Variants in PPARD observed in about 807,000 individuals in gnomAD.
The protein encoded by PPARD is peroxisome proliferator-activated receptor delta.
Under a neutral mutation model 39.5 loss-of-function variants are expected in PPARD, and 6 were observed. That is an observed-to-expected ratio of 0.15 (90% confidence interval 0.08 to 0.30). The LOEUF (loss-of-function observed/expected upper bound fraction) is 0.30. Ranked by LOEUF, PPARD falls within the 10% of genes least tolerant of loss-of-function variation. The probability of loss-of-function intolerance (pLI) is 1.00; values close to 1 mark genes in which losing one functional copy is unlikely to be tolerated. For missense variants in PPARD, 397 were observed against 596.8 expected, an observed-to-expected ratio of 0.67 and a Z score of 3.49; for synonymous variants, 210 against 231.3, an observed-to-expected ratio of 0.91 and a Z score of 0.83.
intron 1 of PPARD, among the ~76,000 whole-genome samples, chr6:35,344,834 G>C (rs973884085): frequency 3.3e-5 from 5 of 152,168 alleles, no homozygotes; most frequent in African/African-American, 7.2e-5. Flanking sequence ...TGGATGGCCT[G>C]TTGTTGAGCC....
At chr6:35,418,913 C>T (rs2150825290) in intron 3 of PPARD, among the ~76,000 whole-genome samples, 1 of 152,302 alleles carries the variant, frequency 6.6e-6, no homozygotes, top group Non-Finnish European at 1.5e-5. Flanking sequence ...GCTGCCACTC[C>T]TAGGACCCAA....
At chr6:35,415,828 GA>G (rs1765723781) in intron 3 of PPARD, among the ~76,000 whole-genome samples, 1 of 143,316 alleles carries the variant, frequency 7.0e-6, no homozygotes, top group Non-Finnish European at 1.5e-5. Context: ...GTGTTTTAAC[GA>G]ATTGGTTCAC....
rs540687692 is a variant in PPARD, at chr6:35,377,871, C to CTTTTTTTTTTTT, written c.-102+30732_-102+30733insTTTTTTTTTTTT. Among the ~76,000 whole-genome samples the CTTTTTTTTTTTT allele has an allele frequency of 1.7e-4, 21 of 120,334 alleles. 2 individuals are homozygous for CTTTTTTTTTTTT. The highest frequency in any genetic ancestry group is 3.5e-4 in the African/African-American group (8 of 22,778). The allele number at this position is 120,334 out of a possible 152,430, so 78.9% of individuals were successfully genotyped here. A position where few individuals can be genotyped will look rare whatever the true frequency, so the allele number is the denominator to read the frequency against. On this transcript the variant is annotated intron_variant, in intron 2 of 7. Transcript: ENST00000360694. The stretch of plus-strand genomic sequence containing the variant: ...TGTGGGTCGCTGCTTGTTTACGTAT[C>CTTTTTTTTTTTT]TTTTTTTTTTTGAGACAGAGTGTTG...
intron 2 of PPARD, among the ~76,000 whole-genome samples, chr6:35,367,797 G>C (rs1211773205): frequency 6.6e-6 from 1 of 152,230 alleles, no homozygotes; most frequent in African/African-American, 2.4e-5. Flanking sequence ...TGGGGGCCAA[G>C]ACAGTGGAAG....
At chr6:35,345,890 T>G (rs1183647242) in intron 1 of PPARD, among the ~76,000 whole-genome samples, 1 of 148,676 alleles carries the variant, frequency 6.7e-6, no homozygotes, top group Non-Finnish European at 1.5e-5. Context: ...TTTTTTTTTT[T>G]TTTTGAGATG....
chr6:35,399,234 T>C (rs1177172936), intron 2 of PPARD, among the ~76,000 whole-genome samples: 1 of 151,780 alleles, frequency 6.6e-6, no homozygotes, highest in African/African-American at 2.4e-5. Flanking sequence ...ACTCCATCTC[T>C]ACTAAAAATA....
At chr6:35,350,972 G>A (rs778409002) in intron 2 of PPARD, among the ~76,000 whole-genome samples, 29 of 151,766 alleles carry the variant, frequency 1.9e-4, no homozygotes, top group Non-Finnish European at 4.0e-4. Flanking sequence ...TTATAAAACA[G>A]CATTCTCAAA....
rs17847864 is a variant in PPARD, at chr6:35,397,308, G to C, written c.-101-13679G>C. On this transcript the variant is annotated intron_variant, in intron 2 of 7. Transcript: ENST00000360694. ...TAAGGGAGGAAGAAGCACCAGTGCT[G>C]CCTCCCCATGGGAAAAATGAAGCCC... Among the ~76,000 whole-genome samples, 4 of 151,782 alleles carry C rather than the reference G, an allele frequency of 2.6e-5. No homozygotes were observed. The South Asian group carries it at 8.3e-4, about 32-fold the overall frequency.
At chr6:35,347,774 A>G (rs2150416812) in intron 2 of PPARD, among the ~76,000 whole-genome samples, 1 of 151,726 alleles carries the variant, frequency 6.6e-6, no homozygotes, top group East Asian at 1.9e-4. Flanking sequence ...ACGCCCGGCT[A>G]ATTTTTGTAT....
chr6:35,346,985 G>A (rs113833531), intron 1 of PPARD, 82 bp from the exon 2 acceptor site: 12 of 780,552 alleles, frequency 1.5e-5, no homozygotes, highest in South Asian at 8.9e-5. Flanking sequence ...TTTGAGTTAC[G>A]GTGGGTATAA....
In PPARD at chr6:35,424,404, C is replaced by T. The variant is rs777935481; in HGVS notation, c.703C>T (p.Leu235=). The T allele has an allele frequency of 3.1e-6, 5 of 1,613,986 alleles. No homozygotes were observed. In the East Asian group the frequency reaches 1.1e-4, roughly 36 times the overall value. ...GGTGTGGAAGCAGTTGGTGAATGGCCTGCCTCCCTACAAGGAGATCAGCGT... is the reference window on the plus strand; with the variant it reads ...GGTGTGGAAGCAGTTGGTGAATGGCTTGCCTCCCTACAAGGAGATCAGCGT... ...GLVWKQLVNG[L]PPYKEISVHV... is the part of the protein sequence containing the mutation. Residue 235 remains leucine, a synonymous_variant, in exon 7 of 8, where the codon CTG becomes TTG. Coordinates refer to ENST00000360694, the MANE Select transcript of PPARD (RefSeq NM_006238.5). This position sits in a 1 kb window ranked among gnomAD's most constrained non-coding sequence, Gnocchi z 7.1.
chr6:35,420,040 CT>C, intron 3 of PPARD, 86 bp from the exon 4 acceptor site: 2 of 1,485,082 alleles, frequency 1.3e-6, no homozygotes, highest in Non-Finnish European at 1.8e-6. Flanking sequence ...TGTTAAGTGG[CT>C]GAGGCGAGGG....
intron 2 of PPARD, among the ~76,000 whole-genome samples, 200 bp downstream of exon 2, chr6:35,347,350 A>G (rs1256781408): frequency 6.6e-6 from 1 of 152,170 alleles, no homozygotes; most frequent in Admixed American, 6.6e-5. Context: ...TGGCTTACAT[A>G]GTTTTTTCAG....
intron 2 of PPARD, among the ~76,000 whole-genome samples, chr6:35,360,222 C>T (rs1046264654): frequency 2.6e-5 from 4 of 151,958 alleles, no homozygotes; most frequent in African/African-American, 7.3e-5. Context: ...GCTGTGGGCC[C>T]GGCCTGTAGG....
At chr6:35,386,315 A>AT (rs751089075) in intron 2 of PPARD, among the ~76,000 whole-genome samples, 1,312 of 120,374 alleles carry the variant, frequency 0.011, 19 homozygotes, top group Non-Finnish European at 0.015. Flanking sequence ...CACCTCTACA[A>AT]TTTTTTTTTT....
intron 2 of PPARD, among the ~76,000 whole-genome samples, chr6:35,358,864 AAGC>A (rs1489873532): frequency 6.6e-6 from 1 of 152,208 alleles, no homozygotes; most frequent in Non-Finnish European, 1.5e-5. Flanking sequence ...GGGATAAACA[AAGC>A]AGATAAAAAA....
At chr6:35,362,431 A>C (rs1260611901) in intron 2 of PPARD, among the ~76,000 whole-genome samples, 1 of 144,274 alleles carries the variant, frequency 6.9e-6, no homozygotes, top group African/African-American at 2.7e-5. Context: ...TGCTCTGCCT[A>C]CTCACCACTC....
intron 2 of PPARD, chr6:35,348,338 A>G (rs750393974): frequency 2.0e-6 from 2 of 985,284 alleles, no homozygotes; most frequent in African/African-American, 1.7e-5. Flanking sequence ...CATAACACAC[A>G]GAATTGTTTC....
intron 2 of PPARD, among the ~76,000 whole-genome samples, chr6:35,390,405 G>A (rs890462932): frequency 6.6e-6 from 1 of 152,168 alleles, no homozygotes; most frequent in African/African-American, 2.4e-5. Flanking sequence ...TTTGAGTGGG[G>A]CTCTCTGGCT....
Sources: allele counts gnomAD v4.1 joint callset (sites outside exome capture counted in the v4.1 genomes callset), GRCh38; gene constraint gnomAD v4.1.1; non-coding constraint Gnocchi (gnomAD v3.1); transcripts MANE v1.5; gene names NCBI Gene and HGNC (gene_info 2026-07-23, HGNC 2026-07-21).